Variants in SGCD observed in about 807,000 individuals in gnomAD.
SGCD encodes sarcoglycan delta.
Under a neutral mutation model 36.6 loss-of-function variants are expected in SGCD, and 18 were observed. The ratio of observed to expected loss-of-function variants is 0.49; its 90% confidence interval spans 0.34 to 0.73. SGCD has a LOEUF of 0.73. SGCD is among the 30% of genes least tolerant of loss of function. The pLI is 0.01. For missense variants in SGCD, 387 were observed against 346.7 expected (o/e 1.12, Z -0.92); for synonymous variants, 133 against 130.6 (o/e 1.02, Z -0.12).
intron 3 of SGCD, among the ~76,000 whole-genome samples, chr5:156,198,623 G>A (rs759008030): frequency 1.3e-5 from 2 of 152,030 alleles, no homozygotes; most frequent in Non-Finnish European, 2.9e-5. Flanking sequence ...TGTGGACCAT[G>A]GTCCTCCATG....
the SGCD span, among the ~76,000 whole-genome samples, chr5:155,840,448 T>C: frequency 6.7e-6 from 1 of 149,340 alleles, no homozygotes; most frequent in Non-Finnish European, 1.5e-5. Flanking sequence ...ATTTTTGTAT[T>C]TTTTTGTATT....
rs951403210 is a variant in SGCD, at chr5:156,763,873, T to G, written c.*4483T>G. 6.6e-6 allele frequency: 1 copy of G among 152,136 alleles called. No homozygotes were observed. Among genetic ancestry groups the G allele is most frequent in the Admixed American group, 6.5e-5 (1 of 15,282 alleles). The allele number at this position is 152,136 out of a possible 1,614,324, so 9.4% of individuals were successfully genotyped here. A position where few individuals can be genotyped will look rare whatever the true frequency, so the allele number is the denominator to read the frequency against. On this transcript the variant is annotated 3_prime_UTR_variant, in exon 9 of 9. Coordinates refer to ENST00000337851, the MANE Select transcript of SGCD (RefSeq NM_000337.6). ...CCTCAGCCTTTTATTTGGAAACAGT[T>G]GAAATAAACTGGCAGCAGCTAGATC...
intron 1 of SGCD, among the ~76,000 whole-genome samples, chr5:156,054,868 A>T (rs1240508541): frequency 2.0e-5 from 3 of 146,552 alleles, no homozygotes; most frequent in Non-Finnish European, 4.6e-5. Flanking sequence ...TTATTCTTAA[A>T]CTCAAAATGG....
intron 3 of SGCD, among the ~76,000 whole-genome samples, chr5:156,380,743 A>AT (rs1205480745): frequency 1.3e-5 from 2 of 152,156 alleles, no homozygotes; most frequent in African/African-American, 2.4e-5. Context: ...ATCTCTCAAG[A>AT]TTTTTTTGTG....
chr5:156,633,688 T>G (rs1762718781), intron 6 of SGCD, among the ~76,000 whole-genome samples: 1 of 152,170 alleles, frequency 6.6e-6, no homozygotes, highest in African/African-American at 2.4e-5. Context: ...TGATATGACT[T>G]TTATTACCTA....
At chr5:156,601,829 G>A (rs532087000) in intron 6 of SGCD, among the ~76,000 whole-genome samples, 58 of 152,092 alleles carry the variant, frequency 3.8e-4, no homozygotes, top group African/African-American at 1.4e-3. Flanking sequence ...GCCTACAGGC[G>A]CCTGCCACCA....
At chr5:155,753,064 G>A in the SGCD span, among the ~76,000 whole-genome samples, 6 of 152,090 alleles carry the variant, frequency 3.9e-5, no homozygotes, top group Admixed American at 1.3e-4. Flanking sequence ...TCGGCCGGGC[G>A]CAGTGGCTCA....
At chr5:155,845,120 T>C in the SGCD span, among the ~76,000 whole-genome samples, 1 of 152,290 alleles carries the variant, frequency 6.6e-6, no homozygotes, top group East Asian at 1.9e-4. Flanking sequence ...AGTGAGAACA[T>C]GCAGTGTTTG....
rs76457819 is a variant in SGCD, at chr5:156,469,570, C to T, written c.193-39031C>T. 6.6e-3 allele frequency among the ~76,000 whole-genome samples: 1,000 copies of T among 152,250 alleles called. 15 individuals are homozygous for T. The highest frequency in any genetic ancestry group is 0.023 in the African/African-American group (948 of 41,556). On this transcript the variant is annotated intron_variant, in intron 3 of 8. Transcript: ENST00000337851. ...TGAAACAACTCATTCCTTAATGATT[C>T]TGGTAATAATTGCACCATGGGGCAG...
rs73810346 is a variant in SGCD at position 155,906,261 on chromosome 5, C to T, written c.-282+35837C>T. Among the ~76,000 whole-genome samples, 1,403 of 152,188 alleles carry T rather than the reference C, an allele frequency of 9.2e-3. 26 individuals are homozygous for T. The highest frequency in any genetic ancestry group is 0.031 in the African/African-American group (1,294 of 41,544). On this transcript the variant is annotated intron_variant, in intron 1 of 9. Coordinates refer to the SGCD transcript ENST00000517913. ...CTGCAGGCCGTTTCCCCTCTCATTT[C>T]CTCTTCTTGAGCTTCCCTATTCCCT...
At chr5:155,811,182 T>C in the SGCD span, among the ~76,000 whole-genome samples, 2 of 152,130 alleles carry the variant, frequency 1.3e-5, no homozygotes, top group African/African-American at 4.8e-5. Flanking sequence ...GAACTACCAA[T>C]AGATCATTAT....
intron 3 of SGCD, among the ~76,000 whole-genome samples, chr5:156,491,436 A>G (rs905428418): frequency 3.3e-5 from 5 of 152,230 alleles, no homozygotes; most frequent in African/African-American, 9.6e-5. Flanking sequence ...TGATCTCAAA[A>G]TGTACTACAA....
At chr5:155,896,654 A>G (rs1756268676) in intron 1 of SGCD, among the ~76,000 whole-genome samples, 1 of 152,038 alleles carries the variant, frequency 6.6e-6, no homozygotes, top group Non-Finnish European at 1.5e-5. Context: ...TCAAAAAAAA[A>G]AAAGACAATA....
chr5:156,304,910 AT>A (rs1256256527), intron 3 of SGCD, among the ~76,000 whole-genome samples: 2 of 152,144 alleles, frequency 1.3e-5, no homozygotes, highest in African/African-American at 4.8e-5. Context: ...TGCCCTGGAG[AT>A]TTGTGGAACT....
At chr5:156,455,485 C>G (rs545058329) in intron 3 of SGCD, among the ~76,000 whole-genome samples, 2 of 150,686 alleles carry the variant, frequency 1.3e-5, no homozygotes, top group East Asian at 3.9e-4. Context: ...GTACTCAGTA[C>G]TTTTCCACTC....
At chr5:155,801,124 G>T in the SGCD span, among the ~76,000 whole-genome samples, 1 of 152,076 alleles carries the variant, frequency 6.6e-6, no homozygotes, top group Non-Finnish European at 1.5e-5. Flanking sequence ...TGCCTTCTTG[G>T]CCTTCCAAGG....
At chr5:156,121,140 A>G (rs919193334) in intron 2 of SGCD, among the ~76,000 whole-genome samples, 9 of 152,154 alleles carry the variant, frequency 5.9e-5, no homozygotes, top group Non-Finnish European at 1.3e-4. Context: ...GCAATGTCAT[A>G]TGATAAAAGA....
intron 7 of SGCD, chr5:156,739,715 C>T (rs1756568645): frequency 6.6e-6 from 1 of 152,102 alleles, no homozygotes; most frequent in Non-Finnish European, 1.5e-5. Flanking sequence ...AATATAAAAG[C>T]TACTTTTAAA....
the SGCD span, among the ~76,000 whole-genome samples, chr5:155,734,346 A>C: frequency 4.6e-5 from 7 of 152,024 alleles, no homozygotes; most frequent in East Asian, 9.7e-4. Flanking sequence ...CTGGGATTAC[A>C]GACATGCACC....
Sources: gnomAD v4.1 joint callset for allele counts (sites outside exome capture counted in the v4.1 genomes callset) on GRCh38, gnomAD v4.1.1 for gene constraint, MANE v1.5 for transcripts, NCBI Gene and HGNC (gene_info 2026-07-23, HGNC 2026-07-21) for gene names.